Variants in SLC25A21 observed in about 807,000 individuals in gnomAD.
SLC25A21 encodes solute carrier family 25 member 21.
Under a neutral mutation model 43.8 loss-of-function variants are expected in SLC25A21, and 47 were observed. The observed-to-expected ratio is 1.07, with a 90% CI of 0.85 to 1.37. The LOEUF is 1.37. SLC25A21 is among the 40% of genes most tolerant of loss of function. The probability of loss-of-function intolerance (pLI) is 0.00; values close to 1 mark genes in which losing one functional copy is unlikely to be tolerated. For synonymous variants in SLC25A21, 131 were observed against 121.3 expected, an observed-to-expected ratio of 1.08 and a Z score of -0.52; for missense variants, 352 against 350.2, an observed-to-expected ratio of 1.00 and a Z score of -0.04.
intron 3 of SLC25A21, among the ~76,000 whole-genome samples, chr14:36,777,528 T>C (rs1886882507): frequency 6.6e-6 from 1 of 152,104 alleles, no homozygotes; most frequent in Admixed American, 6.5e-5. Context: ...TGATGCTGGG[T>C]ATTCTTATAG....
rs537530502 is a variant in SLC25A21, at chr14:36,958,657, A to C, written c.71-83653T>G. Among the ~76,000 whole-genome samples, 325 of 150,396 alleles carry C rather than the reference A, an allele frequency of 2.2e-3. 3 individuals are homozygous for C. The highest frequency in any genetic ancestry group is 7.6e-3 in the African/African-American group (309 of 40,576). ...CACTGGCTCACATACATGTGTGTAGAGATGTACACATAAGCACACGTGCAC... is the reference window on the plus strand; with the variant it reads ...CACTGGCTCACATACATGTGTGTAGCGATGTACACATAAGCACACGTGCAC... On this transcript the variant is annotated intron_variant, in intron 1 of 9. Coordinates refer to ENST00000331299, the MANE Select transcript of SLC25A21 (RefSeq NM_030631.4).
At chr14:37,167,447 G>A (rs578078717) in intron 1 of SLC25A21, among the ~76,000 whole-genome samples, 4 of 152,204 alleles carry the variant, frequency 2.6e-5, no homozygotes, top group African/African-American at 9.6e-5. Flanking sequence ...TAACCTCCAA[G>A]CTGTCCTTGT....
At chr14:36,884,367 C>T (rs1358979835) in intron 1 of SLC25A21, among the ~76,000 whole-genome samples, 1 of 152,136 alleles carries the variant, frequency 6.6e-6, no homozygotes, top group Non-Finnish European at 1.5e-5. Flanking sequence ...TTTCTTATCA[C>T]TCATTCACTG....
intron 8 of SLC25A21, 43 bp downstream of exon 8, chr14:36,684,701 G>C: frequency 1.9e-6 from 3 of 1,540,940 alleles, no homozygotes; most frequent in Non-Finnish European, 2.6e-6. Flanking sequence ...CTAACAATAC[G>C]TGAGCCTCAT....
intron 1 of SLC25A21, among the ~76,000 whole-genome samples, chr14:37,045,497 G>C (rs889326356): frequency 3.3e-5 from 5 of 152,180 alleles, no homozygotes; most frequent in Non-Finnish European, 5.9e-5. Context: ...GTTTCTTCGA[G>C]AACCACAAAG....
chr14:37,051,931 G>A (rs1214606007), intron 1 of SLC25A21, among the ~76,000 whole-genome samples: 3 of 152,204 alleles, frequency 2.0e-5, no homozygotes, highest in Non-Finnish European at 4.4e-5. Context: ...GACGGCAGCC[G>A]GCGGGCACAC....
intron 1 of SLC25A21, among the ~76,000 whole-genome samples, chr14:36,924,025 T>A (rs1594695958): frequency 1.3e-5 from 2 of 152,008 alleles, no homozygotes; most frequent in South Asian, 2.1e-4. Context: ...GTCAGGAAAC[T>A]ACAGGTGCTG....
intron 1 of SLC25A21, among the ~76,000 whole-genome samples, chr14:36,935,786 G>GTA (rs1892408216): frequency 6.6e-6 from 1 of 152,104 alleles, no homozygotes; most frequent in South Asian, 2.1e-4. Context: ...CCCCAAAAGT[G>GTA]TATATATGGT....
intron 1 of SLC25A21, among the ~76,000 whole-genome samples, chr14:37,110,818 T>C (rs772642175): frequency 1.3e-5 from 2 of 152,186 alleles, no homozygotes; most frequent in Non-Finnish European, 2.9e-5. Context: ...GAACCAGCAC[T>C]TTTCTTACCT....
intron 2 of SLC25A21, among the ~76,000 whole-genome samples, chr14:36,852,243 T>C (rs933606652): frequency 2.6e-5 from 4 of 152,162 alleles, no homozygotes; most frequent in African/African-American, 7.2e-5. Flanking sequence ...AACAACAGCA[T>C]AGTCTGATCT....
chr14:36,827,687 T>TA (rs1270535199), intron 2 of SLC25A21, among the ~76,000 whole-genome samples: 1 of 152,212 alleles, frequency 6.6e-6, no homozygotes, highest in African/African-American at 2.4e-5. Flanking sequence ...TTGTTAGTGG[T>TA]ATTACTTGTG....
intron 3 of SLC25A21, among the ~76,000 whole-genome samples, chr14:36,749,109 C>CTGTTTTCTGTACCTGTCTTA (rs1885608213): frequency 6.6e-6 from 1 of 152,188 alleles, no homozygotes; most frequent in Non-Finnish European, 1.5e-5. Context: ...ACCAATCTGG[C>CTGTTTTCTGTACCTGTCTTA]TGTTTTCTGT....
chr14:37,082,960 T>C (rs994773309), intron 1 of SLC25A21, among the ~76,000 whole-genome samples: 1 of 152,248 alleles, frequency 6.6e-6, no homozygotes, highest in African/African-American at 2.4e-5. Context: ...CATCTCTATC[T>C]GAACACAGCA....
chr14:36,796,599 A>T (rs1477326228), intron 3 of SLC25A21, among the ~76,000 whole-genome samples: 3 of 152,016 alleles, frequency 2.0e-5, no homozygotes, highest in Non-Finnish European at 4.4e-5. Flanking sequence ...GCCTTCCAGG[A>T]AAGTGTGAAT....
intron 2 of SLC25A21, among the ~76,000 whole-genome samples, chr14:36,864,717 A>G (rs944274): frequency 0.99 from 151,193 of 152,300 alleles, 75,058 homozygotes; most frequent in Middle Eastern, 1. Context: ...TTATAAAACT[A>G]TGGTTCTACT....
chr14:36,918,009 A>C (rs1891877103), intron 1 of SLC25A21, among the ~76,000 whole-genome samples: 1 of 152,010 alleles, frequency 6.6e-6, no homozygotes, highest in African/African-American at 2.4e-5. Flanking sequence ...ATTTAGCATC[A>C]CTCTTTGTAT....
At chr14:36,810,924 TG>T (rs1756601216) in intron 3 of SLC25A21, among the ~76,000 whole-genome samples, 1 of 104,018 alleles carries the variant, frequency 9.6e-6, no homozygotes, top group Non-Finnish European at 2.2e-5. Context: ...GAGAAAAGAG[TG>T]GGGGAAATAA....
intron 3 of SLC25A21, among the ~76,000 whole-genome samples, chr14:36,770,199 C>A (rs1439083185): frequency 6.6e-6 from 1 of 152,152 alleles, no homozygotes; most frequent in Admixed American, 6.5e-5. Flanking sequence ...ATAAAAAGAG[C>A]AAAATCATGT....
chr14:36,813,760 C>A (rs1272656462), intron 3 of SLC25A21, among the ~76,000 whole-genome samples, 158 bp downstream of exon 3: 1 of 151,996 alleles, frequency 6.6e-6, no homozygotes, highest in Non-Finnish European at 1.5e-5. Flanking sequence ...ATATATATAT[C>A]CAGTTTTCAA....
Sources: allele counts gnomAD v4.1 joint callset (sites outside exome capture counted in the v4.1 genomes callset), GRCh38; gene constraint gnomAD v4.1.1; transcripts MANE v1.5; gene names NCBI Gene and HGNC (gene_info 2026-07-23, HGNC 2026-07-21).